SSR2: variants seen among roughly 807,000 people sequenced by gnomAD.
SSR2 encodes signal sequence receptor subunit 2.
Under a neutral mutation model 22.6 loss-of-function variants are expected in SSR2, and 16 were observed. The observed-to-expected ratio is 0.71, with a 90% CI of 0.48 to 1.08. The LOEUF (loss-of-function observed/expected upper bound fraction) is 1.08. Among genes scored for constraint, SSR2 ranks in the 50% least tolerant of loss-of-function variants. The pLI, the probability that SSR2 is intolerant of heterozygous loss-of-function variation, is 0.00. For missense variants in SSR2, 171 were observed against 221.6 expected, an observed-to-expected ratio of 0.77 and a Z score of 1.45; for synonymous variants, 83 against 91.2, an observed-to-expected ratio of 0.91 and a Z score of 0.51.
rs199577294 is a variant in SSR2, at chr1:156,011,900, A to G, written c.364-13T>C. On this transcript the variant is annotated splice_polypyrimidine_tract_variant and intron_variant, in intron 4 of 5. Coordinates refer to ENST00000295702, the MANE Select transcript of SSR2 (RefSeq NM_003145.4). ...TGGTAGAGCCAATCTGAAAAGAAGA[A>G]AAGAACGACATTAAGGGAAGTCCAC... is the stretch of plus-strand genomic sequence containing the variant. 1.8e-4 allele frequency: 290 copies of G among 1,609,622 alleles called. 4 individuals carry two copies. The South Asian group carries it at 2.6e-3, about 14-fold the overall frequency.
intron 4 of SSR2, chr1:156,012,584 C>A (rs759881821): frequency 2.4e-5 from 11 of 456,046 alleles, no homozygotes; most frequent in Non-Finnish European, 4.4e-5. Flanking sequence ...AGAAATGATA[C>A]CGGATGTGAA....
At position 156,018,363 on chromosome 1, in the gene SSR2, G is replaced by A. The variant is rs1318404012; in HGVS notation, c.161C>T (p.Ala54Val). The A allele has an allele frequency of 6.2e-7, 1 of 1,612,748 alleles. No homozygotes were observed. The highest frequency in any genetic ancestry group is 2.2e-5 in the East Asian group (1 of 44,868). ...ATCATCAGATAGTTCCACGTCTAAT[G>A]CAGCACTAGAAAATGGATGAAACAA... ...YNIYNVGSSA[A>V]LDVELSDDSF... is the part of the protein sequence containing the mutation. Residue 54 changes from alanine (A) to valine (V), a missense_variant, in exon 3 of 6, where the codon GCA becomes GTA. By Grantham distance (64) the Ala-to-Val change is moderately conservative. Transcript: ENST00000295702.
intron 2 of SSR2, chr1:156,019,041 A>T (rs1277643003): frequency 5.3e-6 from 1 of 188,682 alleles, no homozygotes; most frequent in Non-Finnish European, 1.1e-5. Flanking sequence ...TCTAAAAAAT[A>T]ATAATAAAAA....
chr1:156,011,705 C>A, intron 5 of SSR2, 105 bp downstream of exon 5: 1 of 906,124 alleles, frequency 1.1e-6, no homozygotes, highest in Non-Finnish European at 1.8e-6. Flanking sequence ...ACACACAGGG[C>A]AAGAACCAAC....
At chr1:156,010,704 C>T (rs1223909273) in intron 5 of SSR2, 1 of 152,274 alleles carries the variant, frequency 6.6e-6, no homozygotes, top group African/African-American at 2.4e-5. Flanking sequence ...GGTCTTGCCC[C>T]TGACAGTCAA....
chr1:156,015,535 AATATAT>A (rs1553254277), intron 3 of SSR2, among the ~76,000 whole-genome samples: 574 of 46,758 alleles, frequency 0.012, 8 homozygotes, highest in African/African-American at 0.022. Flanking sequence ...AAAAAAAAAA[AATATAT>A]ATATATATAT....
Position 156,009,535 on chromosome 1 carries a change from C to T in SSR2, c.*5G>A, listed in dbSNP as rs778677201. ...CTTGGGAGAGGAGGGCTGTGGAAGC[C>T]CCAATCAGTTCTTCTTCGTTTTGGG... On this transcript the variant is annotated 3_prime_UTR_variant, in exon 6 of 6. Coordinates refer to ENST00000295702, the MANE Select transcript of SSR2 (RefSeq NM_003145.4). 6.2e-7 allele frequency: 1 copy of T among 1,607,594 alleles called. No homozygotes were observed. Among genetic ancestry groups the T allele is most frequent in the Non-Finnish European group, 8.5e-7 (1 of 1,174,964 alleles).
rs769363901 is a variant in SSR2 at position 156,015,029 on chromosome 1, T to C, written c.295A>G (p.Lys99Glu). ...GAGGTGAAGTTGAAATAACCAGCCT[T>C]GAGAGGGCGCAGGACCACAGTGTGG... ...VSHTVVLRPLKAGYFNFTSAT... is the reference protein window; with the variant it reads ...VSHTVVLRPLEAGYFNFTSAT... Residue 99 changes from lysine to glutamate, a missense_variant, in exon 4 of 6, where the codon AAG becomes GAG. Physicochemically the swap from Lys to Glu is moderately conservative, Grantham distance 56. Transcript: ENST00000295702. 3 of 1,613,896 alleles carry C rather than the reference T, an allele frequency of 1.9e-6. No individual in the cohort carries two copies. Among genetic ancestry groups the C allele is most frequent in the East Asian group, 4.5e-5 (2 of 44,864 alleles).
At chr1:156,019,171 C>T (rs1196380265) in intron 2 of SSR2, 2 of 399,354 alleles carry the variant, frequency 5.0e-6, no homozygotes, top group African/African-American at 4.1e-5. Flanking sequence ...AGGTCAAGGA[C>T]TGGATTCTAT....
chr1:156,010,230 T>A (rs895962819), intron 5 of SSR2: 3 of 152,088 alleles, frequency 2.0e-5, no homozygotes, highest in South Asian at 2.1e-4. Flanking sequence ...ATTTTTTTTT[T>A]ATTTTTTGTA....
At chr1:156,012,516 C>G (rs1402298821) in intron 4 of SSR2, 1 of 456,094 alleles carries the variant, frequency 2.2e-6, no homozygotes, top group Non-Finnish European at 4.4e-6. Context: ...GATTTTATGT[C>G]TATTAACCCA....
intron 1 of SSR2, 135 bp downstream of exon 1, chr1:156,020,753 C>A (rs1683140326): frequency 7.7e-6 from 3 of 388,874 alleles, no homozygotes; most frequent in Admixed American, 3.0e-5. Flanking sequence ...CCGCCTCTTG[C>A]AAGGTTACAC....
Position 156,009,421 on chromosome 1 carries a change from G to T in SSR2, c.*119C>A. 1.2e-6 allele frequency: 1 copy of T among 805,594 alleles called. No homozygotes were observed. The highest frequency in any genetic ancestry group is 2.1e-6 in the Non-Finnish European group (1 of 479,820). 49.9% of individuals were successfully genotyped at this position (805,594 alleles called of 1,614,324 possible). A position where few individuals can be genotyped will look rare whatever the true frequency, so the allele number is the denominator to read the frequency against. ...GCAGGGCAGGATCCAGGAGAAAGTGGCCAAGGGCTAAGAGAGAAGAGATTG... is the reference window on the plus strand; with the variant it reads ...GCAGGGCAGGATCCAGGAGAAAGTGTCCAAGGGCTAAGAGAGAAGAGATTG... On this transcript the variant is annotated 3_prime_UTR_variant, in exon 6 of 6. Transcript: ENST00000295702.
intron 2 of SSR2, 25 bp from the exon 3 acceptor site, chr1:156,018,393 GGTTA>G: frequency 1.3e-6 from 2 of 1,582,252 alleles, no homozygotes; most frequent in Non-Finnish European, 1.7e-6. Flanking sequence ...AAACAAAAAG[GGTTA>G]GTAAGTAATG....
At chr1:156,014,837 A>G (rs1354086685) in intron 4 of SSR2, 124 bp downstream of exon 4, 3 of 786,296 alleles carry the variant, frequency 3.8e-6, no homozygotes, top group Non-Finnish European at 6.4e-6. Flanking sequence ...CACTGCGCCC[A>G]GTCCTAACTG....
intron 2 of SSR2, 59 bp from the exon 3 acceptor site, chr1:156,018,427 C>A: frequency 6.9e-7 from 1 of 1,452,490 alleles, no homozygotes; most frequent in Non-Finnish European, 9.6e-7. Context: ...TTAAAGCAGG[C>A]CGGGCGCCGT....
chr1:156,010,258 T>G (rs571540852), intron 5 of SSR2: 7 of 152,100 alleles, frequency 4.6e-5, no homozygotes, highest in Admixed American at 1.3e-4. Context: ...AATATCACTA[T>G]GTTGCCCAAG....
intron 3 of SSR2, among the ~76,000 whole-genome samples, chr1:156,016,607 C>G (rs1683061076): frequency 6.6e-6 from 1 of 151,790 alleles, no homozygotes; most frequent in Non-Finnish European, 1.5e-5. Flanking sequence ...AAAGACAAAA[C>G]AAAAACAAAT....
At chr1:156,020,692 T>C (rs1335562084) in intron 1 of SSR2, 196 bp downstream of exon 1, 14 of 340,734 alleles carry the variant, frequency 4.1e-5, no homozygotes, top group Middle Eastern at 1.1e-3. Context: ...CATCCCTTTC[T>C]TGGTCCCACG....
Sources: allele counts gnomAD v4.1 joint callset (sites outside exome capture counted in the v4.1 genomes callset), GRCh38; gene constraint gnomAD v4.1.1; transcripts MANE v1.5; gene names NCBI Gene and HGNC (gene_info 2026-07-23, HGNC 2026-07-21).